Variants in CTNNA1 observed in about 807,000 individuals in gnomAD.
CTNNA1 encodes the protein catenin alpha 1.
A neutral mutation model predicts 98.4 loss-of-function variants in CTNNA1; 37 were observed. That is an observed-to-expected ratio of 0.38 (90% CI 0.29 to 0.49). CTNNA1 has a LOEUF of 0.49. Among genes scored for constraint, CTNNA1 ranks in the 20% least tolerant of loss-of-function variants. The probability of loss-of-function intolerance (pLI) is 0.95; values close to 1 mark genes in which losing one functional copy is unlikely to be tolerated. For missense variants in CTNNA1, 761 were observed against 1,147.2 expected, an observed-to-expected ratio of 0.66 and a Z score of 4.86; for synonymous variants, 404 against 413.2, an observed-to-expected ratio of 0.98 and a Z score of 0.27.
In CTNNA1 at chr5:138,934,131, A is replaced by C; in HGVS notation, c.*42A>C. The C allele has an allele frequency of 1.4e-6, 2 of 1,480,876 alleles. No individual in the cohort carries two copies. The highest frequency in any genetic ancestry group is 9.3e-7 in the Non-Finnish European group (1 of 1,074,690). The allele number at this position is 1,480,876 out of a possible 1,614,324, so 91.7% of individuals were successfully genotyped here. A position where few individuals can be genotyped will look rare whatever the true frequency, so the allele number is the denominator to read the frequency against. Reference sequence around the variant, plus strand: ...CGCCCCCACCCCTCGGGGCTCCTGAATATCAGTCACTGTTCGTCACTCAAA... The same window carrying C: ...CGCCCCCACCCCTCGGGGCTCCTGACTATCAGTCACTGTTCGTCACTCAAA... On this transcript the variant is annotated 3_prime_UTR_variant, in exon 18 of 18. Coordinates refer to ENST00000302763, the MANE Select transcript of CTNNA1 (RefSeq NM_001903.5).
intron 1 of CTNNA1, among the ~76,000 whole-genome samples, chr5:138,773,713 A>G (rs1561509071): frequency 7.0e-6 from 1 of 142,210 alleles, no homozygotes; most frequent in African/African-American, 2.6e-5. Flanking sequence ...TGGTGAATTA[A>G]TTTTTTTTTT....
intron 5 of CTNNA1, among the ~76,000 whole-genome samples, chr5:138,822,826 A>G (rs1760172961): frequency 6.6e-6 from 1 of 152,236 alleles, no homozygotes; most frequent in South Asian, 2.1e-4. Flanking sequence ...CAAGGTTTGA[A>G]TAAAGATGCA....
In CTNNA1 at chr5:138,934,501, C is replaced by T. The variant is rs1306507181; in HGVS notation, c.*412C>T. The T allele has an allele frequency of 6.0e-6, 1 of 167,366 alleles. No homozygotes were observed. Among genetic ancestry groups the T allele is most frequent in the Non-Finnish European group, 1.3e-5 (1 of 78,018 alleles). The allele number at this position is 167,366 out of a possible 1,614,324, so 10.4% of individuals were successfully genotyped here. ...ACTGCTTTTAAATGACCAAAGATGA[C>T]CTGTGGTAAGCAACCTGGGCATCTT... On this transcript the variant is annotated 3_prime_UTR_variant, in exon 18 of 18. Transcript: ENST00000302763.
At chr5:138,915,804 T>C (rs1311107694) in intron 10 of CTNNA1, among the ~76,000 whole-genome samples, 1 of 152,228 alleles carries the variant, frequency 6.6e-6, no homozygotes, top group Non-Finnish European at 1.5e-5. Context: ...GAGCAGTGGC[T>C]CATGCCTGTA....
chr5:138,808,623 G>T (rs1400691733), intron 3 of CTNNA1, among the ~76,000 whole-genome samples: 1 of 150,542 alleles, frequency 6.6e-6, no homozygotes, highest in Non-Finnish European at 1.5e-5. Context: ...CTTGTGTTGT[G>T]CATCCAAAGA....
At chr5:138,921,915 T>C (rs1225422003) in intron 11 of CTNNA1, among the ~76,000 whole-genome samples, 1 of 150,346 alleles carries the variant, frequency 6.7e-6, no homozygotes, top group Non-Finnish European at 1.5e-5. Flanking sequence ...ACCCGGCCGG[T>C]GATTTTTTTT....
intron 5 of CTNNA1, among the ~76,000 whole-genome samples, chr5:138,814,516 G>A (rs1308207019): frequency 6.6e-6 from 1 of 152,040 alleles, no homozygotes; most frequent in African/African-American, 2.4e-5. Context: ...GTGGCAAGCC[G>A]GCCAAATTAC....
At chr5:138,768,908 C>T (rs556152076) in intron 1 of CTNNA1, among the ~76,000 whole-genome samples, 1 of 152,038 alleles carries the variant, frequency 6.6e-6, no homozygotes, top group East Asian at 1.9e-4. Flanking sequence ...CTAGCAATTT[C>T]CAATTCATCT....
intron 5 of CTNNA1, among the ~76,000 whole-genome samples, chr5:138,820,235 A>T (rs895250522): frequency 6.6e-6 from 1 of 151,830 alleles, no homozygotes; most frequent in African/African-American, 2.4e-5. Context: ...ATGTCTGGCC[A>T]ATTGGTTGTG....
intron 7 of CTNNA1, among the ~76,000 whole-genome samples, chr5:138,883,683 C>G (rs1056353590): frequency 1.3e-5 from 2 of 152,154 alleles, no homozygotes; most frequent in African/African-American, 4.8e-5. Flanking sequence ...GTTTCAGATT[C>G]TAAGTGTTTT....
chr5:138,845,911 AG>A (rs1762678895), intron 7 of CTNNA1, among the ~76,000 whole-genome samples: 1 of 134,928 alleles, frequency 7.4e-6, no homozygotes, highest in Non-Finnish European at 1.6e-5. Context: ...TAAAGGGTAC[AG>A]GTTTTTTTTG....
chr5:138,895,753 G>C lies in CTNNA1; in HGVS notation c.1296+8111G>C, dbSNP rs118130658. 4.9e-4 allele frequency among the ~76,000 whole-genome samples: 75 copies of C among 152,164 alleles called. No homozygotes were observed. The East Asian group carries it at 0.014, about 27-fold the overall frequency. On this transcript the variant is annotated intron_variant, in intron 9 of 17. Transcript: ENST00000302763. ...TGTATATATTTTTTACAATGTAGTA[G>C]AAATTGTACTGAGGTGATACGTGCA...
chr5:138,920,683 A>AT (rs530488570), intron 11 of CTNNA1, among the ~76,000 whole-genome samples: 72 of 152,128 alleles, frequency 4.7e-4, no homozygotes, highest in Admixed American at 1.4e-3. Flanking sequence ...TGCATTTGTG[A>AT]TTTTCCACCA....
chr5:138,755,567 A>G (rs1166716129), intron 1 of CTNNA1, among the ~76,000 whole-genome samples: 1 of 152,236 alleles, frequency 6.6e-6, no homozygotes, highest in African/African-American at 2.4e-5. Context: ...ATCTCATTTC[A>G]TATAGTGACT....
intron 5 of CTNNA1, among the ~76,000 whole-genome samples, chr5:138,812,860 C>T (rs998980328): frequency 6.6e-6 from 1 of 152,184 alleles, no homozygotes; most frequent in Non-Finnish European, 1.5e-5. Context: ...CCTTCCTGTG[C>T]CCTTGCTGTT....
chr5:138,909,511 C>T (rs1190842562), intron 10 of CTNNA1, among the ~76,000 whole-genome samples: 1 of 151,974 alleles, frequency 6.6e-6, no homozygotes, highest in Admixed American at 6.6e-5. Context: ...GTGGACTCCA[C>T]CACACTTGGC....
chr5:138,825,185 G>C (rs1295369096), intron 6 of CTNNA1, among the ~76,000 whole-genome samples: 1 of 152,126 alleles, frequency 6.6e-6, no homozygotes. Flanking sequence ...TCTATTGGGA[G>C]ATAGAGAAAC....
In CTNNA1 at chr5:138,917,912, TC is replaced by T. The variant is rs1311087730; in HGVS notation, c.1546+18del. ...TGGCTGTCTCAGGTAATGAGCTGGTTCCCCAGAGAAGTATGTGAAGATGTTC... is the reference window on the plus strand; with the variant it reads ...TGGCTGTCTCAGGTAATGAGCTGGTTCCCAGAGAAGTATGTGAAGATGTTC... On this transcript the variant is annotated intron_variant, in intron 11 of 17. Transcript: ENST00000302763. 2 of 1,612,822 alleles carry T rather than the reference TC, an allele frequency of 1.2e-6. No individual in the cohort carries two copies. The highest frequency in any genetic ancestry group is 2.7e-5 in the African/African-American group (2 of 75,034).
intron 1 of CTNNA1, among the ~76,000 whole-genome samples, chr5:138,759,576 G>T (rs543461978): frequency 5.9e-4 from 90 of 152,266 alleles, no homozygotes; most frequent in African/African-American, 1.9e-3. Context: ...CATGGAGGGG[G>T]TGCAATAATG....
Sources: allele counts gnomAD v4.1 joint callset (sites outside exome capture counted in the v4.1 genomes callset), GRCh38; gene constraint gnomAD v4.1.1; transcripts MANE v1.5; gene names NCBI Gene and HGNC (gene_info 2026-07-23, HGNC 2026-07-21).